Variants in OTUD7B observed in about 807,000 individuals in gnomAD.
OTUD7B encodes OTU deubiquitinase 7B.
In OTUD7B, 34 loss-of-function variants were observed where a neutral mutation model predicts 82.2. That is an observed-to-expected ratio of 0.41 (90% CI 0.31 to 0.55). The LOEUF is 0.55. OTUD7B is among the 20% of genes least tolerant of loss of function. The pLI, the probability that OTUD7B is intolerant of heterozygous loss-of-function variation, is 0.20. For synonymous variants in OTUD7B, 398 were observed against 402.7 expected (o/e 0.99, Z 0.14); for missense variants, 944 against 1,062.1 (o/e 0.89, Z 1.55).
At chr1:149,974,262 T>C (rs1650136798) in intron 2 of OTUD7B, among the ~76,000 whole-genome samples, 1 of 152,162 alleles carries the variant, frequency 6.6e-6, no homozygotes, top group African/African-American at 2.4e-5. Context: ...CTAAATTATC[T>C]TAATTCCACC....
the OTUD7B span, among the ~76,000 whole-genome samples, chr1:150,065,945 A>G: frequency 5.3e-5 from 8 of 151,114 alleles, no homozygotes; most frequent in South Asian, 1.7e-3. Context: ...GTAAGTGTCA[A>G]GTAGGTATTT....
the OTUD7B span, among the ~76,000 whole-genome samples, chr1:150,046,937 G>A: frequency 2.0e-5 from 3 of 152,122 alleles, no homozygotes; most frequent in East Asian, 5.8e-4. Flanking sequence ...TGGACATGGT[G>A]GCAGGTGCCT....
Position 149,971,038 on chromosome 1 carries a change from G to T in OTUD7B, c.274+25C>A, listed in dbSNP as rs376430610. ...TCCCCTCCCTTCCTACTCCATATAC[G>T]GAAACATTCCAGTCACCCCAGTACC... On this transcript the variant is annotated intron_variant, in intron 3 of 11. Transcript: ENST00000581312. 99 of 1,527,370 alleles carry T rather than the reference G, an allele frequency of 6.5e-5. No homozygotes were observed. In the East Asian group the frequency reaches 2.2e-3, roughly 34 times the overall value. 94.6% of individuals were successfully genotyped at this position (1,527,370 alleles called of 1,614,324 possible).
chr1:149,982,787 T>C (rs915800230), intron 1 of OTUD7B, among the ~76,000 whole-genome samples: 6 of 144,142 alleles, frequency 4.2e-5, no homozygotes, highest in Admixed American at 7.0e-5. Flanking sequence ...AATCTTAAAC[T>C]CAAACATTTT....
At chr1:150,003,118 C>T (rs1055228961) in intron 1 of OTUD7B, among the ~76,000 whole-genome samples, 2 of 151,890 alleles carry the variant, frequency 1.3e-5, no homozygotes, top group Admixed American at 6.6e-5. Flanking sequence ...GGCATGGTGG[C>T]GGGCGCCTGT....
the OTUD7B span, among the ~76,000 whole-genome samples, chr1:150,045,291 A>T: frequency 6.6e-6 from 1 of 151,762 alleles, no homozygotes; most frequent in Admixed American, 6.6e-5. Flanking sequence ...ATAGGGTTTC[A>T]CCATGTTGGC....
At chr1:150,042,421 C>A in the OTUD7B span, among the ~76,000 whole-genome samples, 1 of 151,826 alleles carries the variant, frequency 6.6e-6, no homozygotes, top group African/African-American at 2.4e-5. Context: ...GATCCGCCCC[C>A]GCTCAGCCTC....
the OTUD7B span, among the ~76,000 whole-genome samples, chr1:150,039,543 A>T: frequency 5.3e-5 from 8 of 151,594 alleles, no homozygotes; most frequent in Non-Finnish European, 1.2e-4. Context: ...TGCCCAGTTA[A>T]TTTTTTGTAT....
the OTUD7B span, among the ~76,000 whole-genome samples, chr1:150,029,237 A>G: frequency 1.3e-5 from 2 of 152,178 alleles, no homozygotes; most frequent in African/African-American, 4.8e-5. Flanking sequence ...CAAAATTGTT[A>G]TAAGTTTAAT....
At chr1:149,970,747 A>AC (rs782537644) in intron 3 of OTUD7B, among the ~76,000 whole-genome samples, 2 of 152,298 alleles carry the variant, frequency 1.3e-5, no homozygotes, top group South Asian at 4.1e-4. Context: ...TTAACAAATT[A>AC]CCCCCCAAAG....
Position 149,950,101 on chromosome 1 carries a change from T to G in OTUD7B, c.966A>C (p.Gly322=). The G allele has an allele frequency of 6.2e-7, 1 of 1,613,928 alleles. No individual in the cohort carries two copies. The highest frequency in any genetic ancestry group is 8.5e-7 in the Non-Finnish European group (1 of 1,180,028). ...ACTGACTGGCTGACTCACCTTCCCC[T>G]CCGGAGTCCCTCAGCATGGTGTCTG... The part of the protein sequence containing the change: ...VVADTMLRDS[G]GEAFAPIPFG... The change falls in exon 8 of 12, where the codon GGA becomes GGC. Residue 322 remains glycine (G), a synonymous_variant. Coordinates refer to ENST00000581312, the MANE Select transcript of OTUD7B (RefSeq NM_020205.4).
intron 5 of OTUD7B, 146 bp from the exon 6 acceptor site, chr1:149,964,495 G>A: frequency 1.5e-6 from 1 of 658,702 alleles, no homozygotes; most frequent in East Asian, 2.8e-5. Context: ...CCCTCCCAAA[G>A]TGCTGGGATT....
At chr1:149,976,963 A>C (rs587660940) in intron 2 of OTUD7B, among the ~76,000 whole-genome samples, 4 of 152,120 alleles carry the variant, frequency 2.6e-5, no homozygotes, top group Non-Finnish European at 5.9e-5. Context: ...CTACTAAAAA[A>C]TACAAAAATT....
chr1:149,965,676 T>G, intron 5 of OTUD7B, 101 bp downstream of exon 5: 1 of 801,554 alleles, frequency 1.2e-6, no homozygotes, highest in South Asian at 1.6e-5. Flanking sequence ...AACCATCATT[T>G]CCGCCTAAGA....
the OTUD7B span, among the ~76,000 whole-genome samples, chr1:150,036,152 C>T: frequency 3.5e-3 from 538 of 152,006 alleles, 5 homozygotes; most frequent in African/African-American, 0.012. Flanking sequence ...TGGGGTATTG[C>T]CATGTTGCCC....
intron 3 of OTUD7B, among the ~76,000 whole-genome samples, chr1:149,969,617 G>C (rs1649768667): frequency 6.6e-6 from 1 of 152,134 alleles, no homozygotes; most frequent in Admixed American, 6.6e-5. Flanking sequence ...CACTAAAAAT[G>C]CATGTACAGC....
the OTUD7B span, among the ~76,000 whole-genome samples, chr1:150,023,332 C>A: frequency 6.6e-6 from 1 of 152,162 alleles, no homozygotes; most frequent in South Asian, 2.1e-4. Flanking sequence ...AAGAGATATA[C>A]GCACTCCCAT....
chr1:150,006,794 G>A (rs762661028), intron 1 of OTUD7B, among the ~76,000 whole-genome samples: 22 of 152,216 alleles, frequency 1.4e-4, no homozygotes, highest in Non-Finnish European at 2.5e-4. Flanking sequence ...GCTCAGCATA[G>A]TAAGGTGTGT....
rs1553769875 is a variant in OTUD7B at position 149,939,103 on chromosome 1, A to C, written c.*4754T>G. ...AAGCACTAGATGAAGGGAAGGGTGG[A>C]GAGGCAAGGGGCTATATCAGATTTT... On this transcript the variant is annotated 3_prime_UTR_variant, in exon 12 of 12. Coordinates refer to ENST00000581312, the MANE Select transcript of OTUD7B (RefSeq NM_020205.4). The C allele has an allele frequency of 6.6e-6, 1 of 152,244 alleles. No individual in the cohort carries two copies. The highest frequency in any genetic ancestry group is 1.9e-4 in the East Asian group (1 of 5,190). 9.4% of individuals were successfully genotyped at this position (152,244 alleles called of 1,614,324 possible).
Sources: gnomAD v4.1 joint callset for allele counts (sites outside exome capture counted in the v4.1 genomes callset) on GRCh38, gnomAD v4.1.1 for gene constraint, MANE v1.5 for transcripts, NCBI Gene and HGNC (gene_info 2026-07-23, HGNC 2026-07-21) for gene names.